The following GRIA4 variants were observed in gnomAD, a reference collection of about 807,000 sequenced individuals.
GRIA4 encodes glutamate ionotropic receptor AMPA type subunit 4, also known as glutamate receptor 4.
Under a neutral mutation model 104.0 loss-of-function variants are expected in GRIA4, and 34 were observed. That is an observed-to-expected ratio of 0.33 (90% CI 0.25 to 0.44). The LOEUF is 0.44. GRIA4 is among the 20% of genes least tolerant of loss of function. The probability of loss-of-function intolerance (pLI) is 1.00; values close to 1 mark genes in which losing one functional copy is unlikely to be tolerated. For missense variants in GRIA4, 750 were observed against 1,096.5 expected (o/e 0.68, Z 4.46); for synonymous variants, 386 against 381.9 (o/e 1.01, Z -0.13).
chr11:105,966,844 C>G (rs1300642224), intron 14 of GRIA4, among the ~76,000 whole-genome samples: 1 of 152,154 alleles, frequency 6.6e-6, no homozygotes, highest in South Asian at 2.1e-4. Flanking sequence ...ATTTCTCACC[C>G]GATCTAAAAA....
At chr11:105,672,407 T>C (rs1170558112) in intron 3 of GRIA4, among the ~76,000 whole-genome samples, 1 of 152,152 alleles carries the variant, frequency 6.6e-6, no homozygotes, top group South Asian at 2.1e-4. Context: ...TTTATTTATG[T>C]TAATGAGAAA....
At position 105,898,517 on chromosome 11, in the gene GRIA4, CCAAA is replaced by C. The variant is rs1241718033; in HGVS notation, c.885+93_885+96del. On this transcript the variant is annotated intron_variant, in intron 7 of 16. Coordinates refer to ENST00000282499, the MANE Select transcript of GRIA4 (RefSeq NM_000829.4). ...ATACAGTTTTTCCATTAACATTTTGCCAAACATAGTATGGCATGGGAAAAAAGCA... is the reference window on the plus strand; with the variant it reads ...ATACAGTTTTTCCATTAACATTTTGCCATAGTATGGCATGGGAAAAAAGCA... 5.0e-6 allele frequency: 4 copies of C among 804,338 alleles called. No homozygotes were observed. In the African/African-American group the frequency reaches 7.0e-5, roughly 14 times the overall value. 49.8% of individuals were successfully genotyped at this position (804,338 alleles called of 1,614,324 possible).
At chr11:105,963,077 G>A (rs867665356) in intron 14 of GRIA4, among the ~76,000 whole-genome samples, 1 of 152,008 alleles carries the variant, frequency 6.6e-6, no homozygotes, top group Non-Finnish European at 1.5e-5. Flanking sequence ...GTGCTGCAGC[G>A]AGTATCTGCT....
At chr11:105,794,498 TATATATATATATATAC>T (rs1162325457) in intron 4 of GRIA4, among the ~76,000 whole-genome samples, 14 of 120,044 alleles carry the variant, frequency 1.2e-4, no homozygotes, top group African/African-American at 4.3e-4. Flanking sequence ...TATATATATA[TATATATATATATATAC>T]ATATACACAC....
At chr11:105,753,282 T>A (rs937440937) in intron 4 of GRIA4, 62 bp downstream of exon 4, 1 of 1,497,394 alleles carries the variant, frequency 6.7e-7, no homozygotes, top group Non-Finnish European at 9.3e-7. Flanking sequence ...AATGGCCTTA[T>A]ATGACTTCGG....
rs17104453 is a variant in GRIA4, at chr11:105,704,115, A to G, written c.248-48866A>G. 7.3e-3 allele frequency among the ~76,000 whole-genome samples: 1,111 copies of G among 152,202 alleles called. 22 individuals carry two copies. The highest frequency in any genetic ancestry group is 0.025 in the African/African-American group (1,043 of 41,552). ...TTTCTTCATTCAATGAGGGCCTACA[A>G]GGTACAAAGTTCTGTAGCAGCCACT... On this transcript the variant is annotated intron_variant, in intron 3 of 16. Transcript: ENST00000282499.
intron 3 of GRIA4, among the ~76,000 whole-genome samples, chr11:105,616,974 G>C (rs1465026401): frequency 6.6e-6 from 1 of 151,154 alleles, no homozygotes; most frequent in Non-Finnish European, 1.5e-5. Flanking sequence ...TGCATAATTT[G>C]TATATATTTG....
intron 3 of GRIA4, 132 bp downstream of exon 3, chr11:105,612,566 T>C: frequency 1.5e-6 from 1 of 665,694 alleles, no homozygotes. Context: ...TCAGGACAAA[T>C]CAGAGTTAAA....
intron 3 of GRIA4, among the ~76,000 whole-genome samples, chr11:105,631,079 A>G (rs1254789374): frequency 6.6e-6 from 1 of 152,166 alleles, no homozygotes; most frequent in Non-Finnish European, 1.5e-5. Flanking sequence ...ACTTACTAAA[A>G]TCCTCTCACT....
At chr11:105,744,139 T>TA (rs1939501297) in intron 3 of GRIA4, among the ~76,000 whole-genome samples, 1 of 152,214 alleles carries the variant, frequency 6.6e-6, no homozygotes. Flanking sequence ...GACTGTTCCT[T>TA]ATTATATTCA....
intron 3 of GRIA4, among the ~76,000 whole-genome samples, chr11:105,690,472 T>C (rs572428003): frequency 5.3e-5 from 8 of 152,162 alleles, no homozygotes; most frequent in Non-Finnish European, 1.2e-4. Context: ...ACTTATATCC[T>C]AGTAGAAATT....
chr11:105,962,053 G>A (rs1019602858), intron 14 of GRIA4, among the ~76,000 whole-genome samples: 1 of 152,162 alleles, frequency 6.6e-6, no homozygotes, highest in East Asian at 1.9e-4. Context: ...ACAAATCCAG[G>A]AAATCAGAAA....
chr11:105,766,604 TAC>T (rs1443781983), intron 4 of GRIA4, among the ~76,000 whole-genome samples: 2 of 151,962 alleles, frequency 1.3e-5, no homozygotes, highest in Non-Finnish European at 2.9e-5. Flanking sequence ...TTTGACAACT[TAC>T]ACACTTACTA....
intron 3 of GRIA4, among the ~76,000 whole-genome samples, chr11:105,695,128 G>A (rs1953222692): frequency 6.6e-6 from 1 of 152,094 alleles, no homozygotes; most frequent in African/African-American, 2.4e-5. Context: ...CCAAACCACT[G>A]TCTCTTTGCT....
intron 4 of GRIA4, among the ~76,000 whole-genome samples, chr11:105,776,195 C>G (rs974428310): frequency 6.6e-6 from 1 of 151,976 alleles, no homozygotes; most frequent in African/African-American, 2.4e-5. Context: ...TCATTGTACA[C>G]AATACACTAA....
intron 3 of GRIA4, among the ~76,000 whole-genome samples, chr11:105,690,654 T>C (rs1442107150): frequency 6.6e-6 from 1 of 152,200 alleles, no homozygotes; most frequent in Admixed American, 6.5e-5. Context: ...GATGTTCAAA[T>C]AACAGAAATA....
intron 14 of GRIA4, among the ~76,000 whole-genome samples, 172 bp downstream of exon 14, chr11:105,934,141 T>C (rs1299285355): frequency 6.6e-6 from 1 of 152,166 alleles, no homozygotes; most frequent in Non-Finnish European, 1.5e-5. Context: ...TTTTTTAATT[T>C]TGGAATGATT....
At chr11:105,760,538 A>G (rs1176187446) in intron 4 of GRIA4, among the ~76,000 whole-genome samples, 1 of 152,152 alleles carries the variant, frequency 6.6e-6, no homozygotes, top group Non-Finnish European at 1.5e-5. Context: ...GCAAGGTTAT[A>G]TTGGCCTTCT....
rs560781383 is a variant in GRIA4 at position 105,676,066 on chromosome 11, T to G, written c.247+63632T>G. ...GAACACCTATGAATCTTGTAAAATA[T>G]GTTAGGAACAGGGATATGCTAATAA... On this transcript the variant is annotated intron_variant, in intron 3 of 16. Transcript: ENST00000282499. Among the ~76,000 whole-genome samples the G allele has an allele frequency of 3.9e-5, 6 of 151,954 alleles. No individual in the cohort carries two copies. In the South Asian group the frequency reaches 1.2e-3, roughly 32 times the overall value.
Sources: allele counts gnomAD v4.1 joint callset (sites outside exome capture counted in the v4.1 genomes callset), GRCh38; gene constraint gnomAD v4.1.1; transcripts MANE v1.5; gene names NCBI Gene and HGNC (gene_info 2026-07-23, HGNC 2026-07-21).